The following NSG1 variants were observed in gnomAD, a reference collection of about 807,000 sequenced individuals.
NSG1 encodes neuronal vesicle trafficking associated 1, also known as neuronal vesicle trafficking-associated protein 1.
NSG1 carries 9 observed loss-of-function variants against 19.3 expected under a neutral mutation model. That is an observed-to-expected ratio of 0.47 (90% CI 0.28 to 0.81). NSG1 has a LOEUF of 0.81. Ranked by LOEUF, NSG1 falls within the 40% of genes least tolerant of loss-of-function variation. NSG1 has a pLI of 0.11. For synonymous variants in NSG1, 104 were observed against 107.0 expected (o/e 0.97, Z 0.17); for missense variants, 236 against 242.4 (o/e 0.97, Z 0.18).
At chr4:4,414,100 T>C (rs1045209426) in intron 4 of NSG1, among the ~76,000 whole-genome samples, 1 of 151,936 alleles carries the variant, frequency 6.6e-6, no homozygotes, top group Non-Finnish European at 1.5e-5. Flanking sequence ...CCCTGGAGCT[T>C]CCTTCCTGGC....
chr4:4,414,026 G>T (rs1724376181), intron 4 of NSG1, among the ~76,000 whole-genome samples: 1 of 152,052 alleles, frequency 6.6e-6, no homozygotes. Flanking sequence ...GCTTCCTGGG[G>T]GCCGGAAGTC....
intron 3 of NSG1, among the ~76,000 whole-genome samples, chr4:4,404,973 G>A (rs1723773442): frequency 6.6e-6 from 1 of 152,080 alleles, no homozygotes; most frequent in South Asian, 2.1e-4. Context: ...TATGGGGGAG[G>A]GGAGCCAGTC....
At chr4:4,403,799 T>C (rs982989813) in intron 3 of NSG1, among the ~76,000 whole-genome samples, 4 of 152,232 alleles carry the variant, frequency 2.6e-5, no homozygotes, top group African/African-American at 4.8e-5. Flanking sequence ...ACGCAGACTT[T>C]AAATGCTGAC....
chr4:4,388,129 C>G (rs1722831688), intron 2 of NSG1, among the ~76,000 whole-genome samples: 1 of 152,160 alleles, frequency 6.6e-6, no homozygotes, highest in South Asian at 2.1e-4. Context: ...GCGGGCGAGG[C>G]TGCCCCTGTA....
intron 4 of NSG1, among the ~76,000 whole-genome samples, chr4:4,414,065 C>T (rs1212372324): frequency 1.3e-5 from 2 of 152,102 alleles, no homozygotes; most frequent in Non-Finnish European, 2.9e-5. Context: ...TTACAAATAA[C>T]TGAGGCCAGT....
At chr4:4,399,216 C>T (rs1242473570) in intron 3 of NSG1, among the ~76,000 whole-genome samples, 2 of 152,156 alleles carry the variant, frequency 1.3e-5, no homozygotes, top group African/African-American at 4.8e-5. Flanking sequence ...GATCTCAGCT[C>T]ACTGCAGCCT....
chr4:4,403,527 G>A (rs1448378041), intron 3 of NSG1, among the ~76,000 whole-genome samples: 1 of 152,150 alleles, frequency 6.6e-6, no homozygotes, highest in African/African-American at 2.4e-5. Flanking sequence ...CTGCTCCCCT[G>A]CTAGGAGGAC....
Position 4,413,599 on chromosome 4 carries a change from CGTGCTGGTGGGGGT to C in NSG1, c.358-3622_358-3609del, listed in dbSNP as rs547389677. Among the ~76,000 whole-genome samples the C allele has an allele frequency of 6.3e-4, 95 of 150,512 alleles. No homozygotes were observed. The East Asian group carries it at 7.6e-3, about 12-fold the overall frequency. On this transcript the variant is annotated intron_variant, in intron 4 of 4. Transcript: ENST00000621129. ...CAGAGGGAGCAGCGGGCAGTGGGGA[CGTGCTGGTGGGGGT>C]GTGCTGGTGGGGGGCTAGCCACAGG...
intron 4 of NSG1, 136 bp from the exon 5 acceptor site, chr4:4,417,099 G>A: frequency 2.8e-6 from 2 of 702,116 alleles, no homozygotes; most frequent in South Asian, 1.8e-5. Context: ...CAAGATCCAT[G>A]CCCGTTTTTG....
intron 4 of NSG1, among the ~76,000 whole-genome samples, chr4:4,416,423 G>T (rs1447182987): frequency 6.6e-6 from 1 of 152,194 alleles, no homozygotes; most frequent in Non-Finnish European, 1.5e-5. Context: ...ACAGAGAATG[G>T]ATTCCCCATG....
rs78830581 is a variant in NSG1 at position 4,389,372 on chromosome 4, C to T, written c.129+1614C>T. ...GGGCAGCCAGCAGGGATGCTCTTCTCGGGTCCAGCCAGACCTTCCATCCCG... is the reference window on the plus strand; with the variant it reads ...GGGCAGCCAGCAGGGATGCTCTTCTTGGGTCCAGCCAGACCTTCCATCCCG... On this transcript the variant is annotated intron_variant, in intron 2 of 4. Coordinates refer to ENST00000621129, the MANE Select transcript of NSG1 (RefSeq NM_014392.5). Among the ~76,000 whole-genome samples, 1,187 of 152,322 alleles carry T rather than the reference C, an allele frequency of 7.8e-3. 8 individuals are homozygous for T. The highest frequency in any genetic ancestry group is 0.017 in the Middle Eastern group (5 of 294).
At chr4:4,398,188 C>T (rs1205393445) in intron 3 of NSG1, among the ~76,000 whole-genome samples, 3 of 152,050 alleles carry the variant, frequency 2.0e-5, no homozygotes, top group Admixed American at 6.6e-5. Flanking sequence ...TTCCTGACCT[C>T]GTGATCCACC....
chr4:4,417,663 T>C lies in NSG1; in HGVS notation c.*228T>C. ...AAGAGCTCTGACACCACTTTTCATG[T>C]TAAGATCTTCATTTAGCTCCTTTAC... On this transcript the variant is annotated 3_prime_UTR_variant, in exon 5 of 5. Coordinates refer to ENST00000621129, the MANE Select transcript of NSG1 (RefSeq NM_014392.5). 3.6e-6 allele frequency: 2 copies of C among 550,466 alleles called. No homozygotes were observed. Among genetic ancestry groups the C allele is most frequent in the South Asian group, 4.3e-5 (2 of 46,196 alleles). 34.1% of individuals were successfully genotyped at this position (550,466 alleles called of 1,614,324 possible).
chr4:4,397,808 C>T (rs1723335523), intron 3 of NSG1, among the ~76,000 whole-genome samples: 1 of 152,182 alleles, frequency 6.6e-6, no homozygotes, highest in Non-Finnish European at 1.5e-5. Flanking sequence ...TTGTATTTCT[C>T]TGTTCCCGGC....
At chr4:4,401,660 C>A (rs1348890959) in intron 3 of NSG1, among the ~76,000 whole-genome samples, 2 of 152,122 alleles carry the variant, frequency 1.3e-5, no homozygotes, top group Non-Finnish European at 2.9e-5. Context: ...GACCGTACAG[C>A]CCTGCAGGGC....
intron 3 of NSG1, among the ~76,000 whole-genome samples, chr4:4,403,346 C>T (rs1221429367): frequency 6.6e-6 from 1 of 152,202 alleles, no homozygotes; most frequent in Non-Finnish European, 1.5e-5. Context: ...CCTGCTCTGT[C>T]CGGAGGCTCT....
intron 3 of NSG1, among the ~76,000 whole-genome samples, chr4:4,400,477 A>G (rs1723492894): frequency 6.6e-6 from 1 of 152,190 alleles, no homozygotes; most frequent in African/African-American, 2.4e-5. Context: ...TTTTCGGCAA[A>G]CAAACAAAAA....
chr4:4,404,433 C>T (rs1038114208), intron 3 of NSG1, among the ~76,000 whole-genome samples: 14 of 152,244 alleles, frequency 9.2e-5, no homozygotes, highest in African/African-American at 3.1e-4. Flanking sequence ...GGAAACCAGG[C>T]GTTGGGGCGA....
intron 3 of NSG1, among the ~76,000 whole-genome samples, chr4:4,405,969 G>A (rs1723831832): frequency 6.6e-6 from 1 of 152,202 alleles, no homozygotes; most frequent in African/African-American, 2.4e-5. Context: ...GAGCCAAACT[G>A]ATGTGGCTTC....
Sources: allele counts gnomAD v4.1 joint callset (sites outside exome capture counted in the v4.1 genomes callset), GRCh38; gene constraint gnomAD v4.1.1; transcripts MANE v1.5; gene names NCBI Gene and HGNC (gene_info 2026-07-23, HGNC 2026-07-21).